PTPN14: variants seen among roughly 807,000 people sequenced by gnomAD.
PTPN14 encodes the protein protein tyrosine phosphatase non-receptor type 14.
PTPN14 carries 53 observed loss-of-function variants against 126.8 expected under a neutral mutation model. That is an observed-to-expected ratio of 0.42 (90% CI 0.34 to 0.53). The LOEUF is 0.53. Among genes scored for constraint, PTPN14 ranks in the 20% least tolerant of loss-of-function variants. PTPN14 has a pLI of 0.08. For missense variants in PTPN14, 1,257 were observed against 1,552.9 expected, an observed-to-expected ratio of 0.81 and a Z score of 3.20; for synonymous variants, 630 against 599.3, an observed-to-expected ratio of 1.05 and a Z score of -0.75.
chr1:214,440,035 A>C (rs1210763764), intron 3 of PTPN14, among the ~76,000 whole-genome samples: 3 of 151,934 alleles, frequency 2.0e-5, no homozygotes, highest in East Asian at 3.9e-4. Context: ...AGCTAAGGGG[A>C]GGGGAGGGGA....
intron 12 of PTPN14, among the ~76,000 whole-genome samples, chr1:214,385,372 T>A (rs529425222): frequency 6.6e-6 from 1 of 152,274 alleles, no homozygotes; most frequent in East Asian, 1.9e-4. Flanking sequence ...AAGAGTTCTT[T>A]TTGGTAATTC....
At chr1:214,491,113 C>A (rs1661238323) in intron 1 of PTPN14, among the ~76,000 whole-genome samples, 1 of 152,030 alleles carries the variant, frequency 6.6e-6, no homozygotes. Flanking sequence ...TATGGCATAA[C>A]CCCCTACCCA....
At chr1:214,443,168 A>G (rs988297385) in intron 3 of PTPN14, among the ~76,000 whole-genome samples, 1 of 152,234 alleles carries the variant, frequency 6.6e-6, no homozygotes, top group Admixed American at 6.5e-5. Flanking sequence ...AGAGCAAAGA[A>G]AGAAACAAGA....
intron 7 of PTPN14, among the ~76,000 whole-genome samples, chr1:214,400,517 C>T (rs1658990809): frequency 6.6e-6 from 1 of 152,178 alleles, no homozygotes; most frequent in Non-Finnish European, 1.5e-5. Context: ...TTCAACATGA[C>T]CTCAACTGCC....
chr1:214,406,606 G>T (rs1659177789), intron 5 of PTPN14, among the ~76,000 whole-genome samples: 1 of 152,000 alleles, frequency 6.6e-6, no homozygotes. Context: ...CCACCCTGAA[G>T]AGAGCCATTT....
intron 1 of PTPN14, among the ~76,000 whole-genome samples, chr1:214,473,290 G>A (rs1473258263): frequency 1.3e-5 from 2 of 152,190 alleles, no homozygotes; most frequent in Non-Finnish European, 2.9e-5. Context: ...ACCAAATGCA[G>A]CGTATTCCTC....
At position 214,378,083 on chromosome 1, in the gene PTPN14, A is replaced by G. The variant is rs1658386551; in HGVS notation, c.2564T>C (p.Met855Thr). 2 of 1,610,264 alleles carry G rather than the reference A, an allele frequency of 1.2e-6. No homozygotes were observed. Among genetic ancestry groups the G allele is most frequent in the South Asian group, 1.1e-5 (1 of 91,006 alleles). The part of the protein sequence containing the change: ...MMIRNLEKQK[M>T]AGLEAQKRPL... ...CCTCTTCTGTGCCTCCAGGCCTGCC[A>G]TCTTCTGCTTCTCTAGATTCTTGCG... Residue 855 changes from methionine (M) to threonine (T), a missense_variant, in exon 14 of 19, where the codon ATG becomes ACG. Physicochemically the swap from Met to Thr is moderately conservative, Grantham distance 81. Around this residue, in one of 3 missense-constraint regions of PTPN14, gnomAD observed 1,021 missense variants for 1,183.3 expected, o/e 0.86. Coordinates refer to ENST00000366956, the MANE Select transcript of PTPN14 (RefSeq NM_005401.5).
rs572756886 is a variant in PTPN14 at position 214,502,462 on chromosome 1, G to A, written c.-154-37505C>T. ...AGAGTGGTAAACAAGAAAAACATAT[G>A]CAAATAGTGTGCAACACACAGCAGG... On this transcript the variant is annotated intron_variant, in intron 1 of 18. Transcript: ENST00000366956. Among the ~76,000 whole-genome samples, 54 of 152,228 alleles carry A rather than the reference G, an allele frequency of 3.5e-4. 2 individuals carry two copies. In the South Asian group the frequency reaches 0.011, roughly 31 times the overall value.
intron 1 of PTPN14, among the ~76,000 whole-genome samples, chr1:214,543,650 T>A (rs1048516637): frequency 6.6e-6 from 1 of 151,914 alleles, no homozygotes; most frequent in Non-Finnish European, 1.5e-5. Context: ...TTTTTTTTTT[T>A]AGATGGAGTC....
chr1:214,454,543 AACAC>A (rs1402354995), intron 2 of PTPN14, among the ~76,000 whole-genome samples: 1 of 152,182 alleles, frequency 6.6e-6, no homozygotes, highest in Non-Finnish European at 1.5e-5. Flanking sequence ...GCACACATAC[AACAC>A]ACACAAAATG....
intron 1 of PTPN14, among the ~76,000 whole-genome samples, chr1:214,547,986 T>C (rs568048876): frequency 3.5e-4 from 53 of 151,236 alleles, no homozygotes; most frequent in Non-Finnish European, 6.6e-4. Flanking sequence ...CTGAAAAAAA[T>C]CACACACAAA....
rs1371287878 is a variant in PTPN14, at chr1:214,353,422, T to C, written c.*4500A>G. On this transcript the variant is annotated 3_prime_UTR_variant, in exon 19 of 19. Coordinates refer to ENST00000366956, the MANE Select transcript of PTPN14 (RefSeq NM_005401.5). ...GTGGGTTTCCCCTCTTCCCCAAATA[T>C]TTTTCAATCTGTACTTGGTTGAATA... 1 of 152,220 alleles carries C rather than the reference T, an allele frequency of 6.6e-6. No individual in the cohort carries two copies. Among genetic ancestry groups the C allele is most frequent in the Non-Finnish European group, 1.5e-5 (1 of 68,036 alleles). 9.4% of individuals were successfully genotyped at this position (152,220 alleles called of 1,614,324 possible).
Position 214,532,439 on chromosome 1 carries a change from C to T in PTPN14, c.-155+18744G>A. On this transcript the variant is annotated intron_variant, in intron 1 of 18. Transcript: ENST00000366956. ...AGAACGAGAAGGAGACCATGCAAAG[C>T]CTGAAAGACCACCTGGCCTCCTACC... The T allele has an allele frequency of 6.4e-6, 5 of 782,126 alleles. No homozygotes were observed. In the South Asian group the frequency reaches 6.8e-5, roughly 11 times the overall value. The allele number at this position is 782,126 out of a possible 1,614,324, so 48.4% of individuals were successfully genotyped here.
chr1:214,408,532 G>GT (rs1393895542), intron 5 of PTPN14, among the ~76,000 whole-genome samples: 1 of 151,690 alleles, frequency 6.6e-6, no homozygotes, highest in African/African-American at 2.4e-5. Flanking sequence ...ATTCTAAAAT[G>GT]TTTGTGAGCA....
At chr1:214,367,858 A>G (rs1658118255) in intron 17 of PTPN14, among the ~76,000 whole-genome samples, 1 of 152,152 alleles carries the variant, frequency 6.6e-6, no homozygotes, top group Non-Finnish European at 1.5e-5. Flanking sequence ...TGAAGACTGA[A>G]CTCAGTGTCA....
At chr1:214,368,463 A>G (rs576861422) in intron 17 of PTPN14, among the ~76,000 whole-genome samples, 6 of 152,204 alleles carry the variant, frequency 3.9e-5, no homozygotes, top group African/African-American at 1.4e-4. Context: ...GGCCTCCCAA[A>G]GTGCTGGGAT....
At chr1:214,508,295 C>A (rs571243100) in intron 1 of PTPN14, among the ~76,000 whole-genome samples, 5 of 152,350 alleles carry the variant, frequency 3.3e-5, no homozygotes, top group Admixed American at 6.5e-5. Flanking sequence ...CACTCTGCCA[C>A]TGCTTTATCA....
rs7355177 is a variant in PTPN14, at chr1:214,452,088, A to G, written c.175-114T>C. 0.34 allele frequency: 390,632 copies of G among 1,163,306 alleles called. 67,783 individuals are homozygous for G. Among genetic ancestry groups the G allele is most frequent in the African/African-American group, 0.43 (27,606 of 64,742 alleles). 72.1% of individuals were successfully genotyped at this position (1,163,306 alleles called of 1,614,324 possible). A position where few individuals can be genotyped will look rare whatever the true frequency, so the allele number is the denominator to read the frequency against. ...CCACCCTGGGTTCCCCAGCCCATATATAAGATCCAGCTTTGACATATAACT... is the reference window on the plus strand; with the variant it reads ...CCACCCTGGGTTCCCCAGCCCATATGTAAGATCCAGCTTTGACATATAACT... On this transcript the variant is annotated intron_variant, in intron 2 of 18. Coordinates refer to ENST00000366956, the MANE Select transcript of PTPN14 (RefSeq NM_005401.5).
At chr1:214,401,391 G>A (rs1659012428) in intron 7 of PTPN14, among the ~76,000 whole-genome samples, 1 of 152,222 alleles carries the variant, frequency 6.6e-6, no homozygotes, top group Non-Finnish European at 1.5e-5. Context: ...TACTTGTCCT[G>A]TTATAAGGCT....
Sources: gnomAD v4.1 joint callset for allele counts (sites outside exome capture counted in the v4.1 genomes callset) on GRCh38, gnomAD v4.1.1 for gene constraint, gnomAD v4.1.1 regional missense constraint, MANE v1.5 for transcripts, NCBI Gene and HGNC (gene_info 2026-07-23, HGNC 2026-07-21) for gene names.